Variants in ACAA2 observed in about 807,000 individuals in gnomAD.
ACAA2 encodes 3-ketoacyl-CoA thiolase, mitochondrial.
A neutral mutation model predicts 44.8 loss-of-function variants in ACAA2; 35 were observed. The observed-to-expected ratio is 0.78, with a 90% CI of 0.60 to 1.04. ACAA2 has a LOEUF of 1.04. Ranked by LOEUF, ACAA2 falls within the 50% of genes least tolerant of loss-of-function variation. ACAA2 has a pLI of 0.00. For synonymous variants in ACAA2, 142 were observed against 166.5 expected, an observed-to-expected ratio of 0.85 and a Z score of 1.13; for missense variants, 468 against 482.6, an observed-to-expected ratio of 0.97 and a Z score of 0.28.
intron 8 of ACAA2, chr18:49,785,656 G>A: frequency 3.0e-6 from 1 of 335,696 alleles, no homozygotes; most frequent in South Asian, 3.8e-5. Context: ...TGGATGGATG[G>A]TTCAAATATT....
Position 49,793,548 on chromosome 18 carries a change from T to G in ACAA2, c.577+732A>C, listed in dbSNP as rs559195358. On this transcript the variant is annotated intron_variant, in intron 5 of 9. Coordinates refer to ENST00000285093, the MANE Select transcript of ACAA2 (RefSeq NM_006111.3). Reference sequence around the variant, plus strand: ...TAAGTAAAAAAACACACGAGTTAGATGGCATCAGCTCTATTCCACTTATCC... The same window carrying G: ...TAAGTAAAAAAACACACGAGTTAGAGGGCATCAGCTCTATTCCACTTATCC... Among the ~76,000 whole-genome samples the G allele has an allele frequency of 3.9e-5, 6 of 152,362 alleles. No individual in the cohort carries two copies. The South Asian group carries it at 1.2e-3, about 32-fold the overall frequency.
Position 49,802,772 on chromosome 18 carries a change from G to A in ACAA2, c.98C>T (p.Ser33Phe). The change falls in exon 2 of 10, where the codon TCT becomes TTT. Residue 33 changes from serine (S) to phenylalanine (F), a missense_variant. Coordinates refer to ENST00000285093, the MANE Select transcript of ACAA2 (RefSeq NM_006111.3). ...LLKDFTATDL[S>F]EFAAKAALSA... The stretch of plus-strand genomic sequence containing the variant: ...CAAGGCAGCCTTGGCAGCAAATTCA[G>A]ACAAGTCAGTAGCAGTGAAGTCTTT... 2 of 1,614,160 alleles carry A rather than the reference G, an allele frequency of 1.2e-6. No homozygotes were observed. The highest frequency in any genetic ancestry group is 1.1e-5 in the South Asian group (1 of 91,088).
chr18:49,785,379 A>G (rs1174154070), intron 8 of ACAA2, 28 bp from the exon 9 acceptor site: 1 of 1,609,076 alleles, frequency 6.2e-7, no homozygotes, highest in Admixed American at 1.7e-5. Context: ...AGCACTAACA[A>G]AAATCCTTAC....
At chr18:49,792,806 C>G (rs1598794185) in intron 5 of ACAA2, among the ~76,000 whole-genome samples, 1 of 152,182 alleles carries the variant, frequency 6.6e-6, no homozygotes, top group African/African-American at 2.4e-5. Flanking sequence ...ACGATACCAT[C>G]ATGTGTTTAT....
intron 4 of ACAA2, 41 bp downstream of exon 4, chr18:49,795,724 G>A: frequency 1.3e-5 from 16 of 1,236,332 alleles, no homozygotes; most frequent in Non-Finnish European, 1.8e-5. Context: ...CTTATATAAT[G>A]CTAATAAGAA....
At chr18:49,810,550 A>C (rs75356666) in intron 1 of ACAA2, among the ~76,000 whole-genome samples, 1,667 of 152,012 alleles carry the variant, frequency 0.011, 40 homozygotes, top group African/African-American at 0.037. Context: ...ACAAAAAAAA[A>C]CCTCCCCTTT....
intron 1 of ACAA2, among the ~76,000 whole-genome samples, chr18:49,805,721 C>T (rs546785706): frequency 6.6e-6 from 1 of 152,118 alleles, no homozygotes. Context: ...GGACTACAGG[C>T]ATGTGCCACC....
At chr18:49,801,785 C>CATATATATATATATATATATATATAT (rs55864039) in intron 2 of ACAA2, among the ~76,000 whole-genome samples, 2 of 112,218 alleles carry the variant, frequency 1.8e-5, no homozygotes, top group Admixed American at 9.1e-5. Flanking sequence ...AGAAACTGAT[C>CATATATATATATATATATATATATAT]ATATATATAT....
chr18:49,792,309 A>T lies in ACAA2; in HGVS notation c.596T>A (p.Phe199Tyr). Residue 199 changes from phenylalanine to tyrosine, a missense_variant, in exon 6 of 10, where the codon TTT becomes TAT. By Grantham distance (22) the Phe-to-Tyr change is conservative (BLOSUM62 3). Coordinates refer to ENST00000285093, the MANE Select transcript of ACAA2 (RefSeq NM_006111.3). ...TTCAATTGGTGCCATTTCATCATTA[A>T]AGTAGCCAGCATCATTAGCTGAAAA... ...RWKAANDAGY[F>Y]NDEMAPIEVK... 5.0e-6 allele frequency: 8 copies of T among 1,613,712 alleles called. No homozygotes were observed. Among genetic ancestry groups the T allele is most frequent in the Non-Finnish European group, 6.8e-6 (8 of 1,179,826 alleles).
At chr18:49,800,859 C>G (rs1027106849) in intron 2 of ACAA2, among the ~76,000 whole-genome samples, 29 of 148,918 alleles carry the variant, frequency 1.9e-4, no homozygotes, top group Non-Finnish European at 4.3e-4. Flanking sequence ...GGCCAAATCC[C>G]CCTCTGCGAG....
intron 9 of ACAA2, among the ~76,000 whole-genome samples, chr18:49,784,946 G>C (rs1775560860): frequency 6.6e-6 from 1 of 152,084 alleles, no homozygotes; most frequent in African/African-American, 2.4e-5. Flanking sequence ...AAGCTGAGTG[G>C]GGCACACAGT....
chr18:49,811,005 C>G (rs559016029), intron 1 of ACAA2, among the ~76,000 whole-genome samples: 2 of 107,980 alleles, frequency 1.9e-5, no homozygotes, highest in African/African-American at 4.1e-5. Flanking sequence ...AAATTGTATA[C>G]CATGTCAATT....
chr18:49,798,738 A>G (rs183006391), intron 2 of ACAA2, among the ~76,000 whole-genome samples: 96 of 152,308 alleles, frequency 6.3e-4, no homozygotes, highest in Non-Finnish European at 1.2e-3. Flanking sequence ...TTAATCTACT[A>G]ACTAAATGTT....
At chr18:49,805,064 C>T (rs2023597023) in intron 1 of ACAA2, among the ~76,000 whole-genome samples, 1 of 152,224 alleles carries the variant, frequency 6.6e-6, no homozygotes, top group Admixed American at 6.5e-5. Flanking sequence ...ATGGAATAGA[C>T]TTCATGCTAG....
chr18:49,798,396 G>C (rs2023489577), intron 2 of ACAA2, among the ~76,000 whole-genome samples: 1 of 151,830 alleles, frequency 6.6e-6, no homozygotes, highest in Non-Finnish European at 1.5e-5. Flanking sequence ...GTCTGCCGGA[G>C]ATTCTGCATT....
intron 2 of ACAA2, among the ~76,000 whole-genome samples, chr18:49,800,435 G>T (rs979934562): frequency 6.6e-6 from 1 of 152,218 alleles, no homozygotes; most frequent in African/African-American, 2.4e-5. Context: ...GATGACCGTG[G>T]CGGTTTTGTG....
chr18:49,801,082 C>T lies in ACAA2; in HGVS notation c.183+1605G>A, dbSNP rs571368169. 5.3e-5 allele frequency among the ~76,000 whole-genome samples: 8 copies of T among 152,194 alleles called. No individual in the cohort carries two copies. The South Asian group carries it at 1.5e-3, about 28-fold the overall frequency. On this transcript the variant is annotated intron_variant, in intron 2 of 9. Transcript: ENST00000285093. ...GAATCCACATTGGATTTCATTGTTT[C>T]CTATGAAATAAGTAAAACTCATTTA...
At chr18:49,802,560 C>CA (rs74176744) in intron 2 of ACAA2, 127 bp downstream of exon 2, 95,804 of 590,428 alleles carry the variant, frequency 0.16, 1,710 homozygotes, top group African/African-American at 0.29. Context: ...GACTCCATCT[C>CA]AAAAAAAAAA....
chr18:49,792,193 C>G lies in ACAA2; in HGVS notation c.712G>C (p.Val238Leu), dbSNP rs770834763. Residue 238 changes from valine to leucine, a missense_variant, in exon 6 of 10, where the codon GTA (valine) becomes CTA (leucine). Physicochemically the swap from Val to Leu is conservative, Grantham distance 32. Transcript: ENST00000285093. ...GTAACAGTTCCATCTTTCTTGAATA[C>G]TGGAGGAAGTTTCTGTAACTGTTCC... ...TLEQLQKLPPVFKKDGTVTAG... is the reference protein window; with the variant it reads ...TLEQLQKLPPLFKKDGTVTAG... 7 of 1,613,870 alleles carry G rather than the reference C, an allele frequency of 4.3e-6. 1 individual carries two copies. In the South Asian group the frequency reaches 6.6e-5, roughly 15 times the overall value.
Sources: gnomAD v4.1 joint callset for allele counts (sites outside exome capture counted in the v4.1 genomes callset) on GRCh38, gnomAD v4.1.1 for gene constraint, MANE v1.5 for transcripts, NCBI Gene and HGNC (gene_info 2026-07-23, HGNC 2026-07-21) for gene names.